PBX1: variants seen among roughly 807,000 people sequenced by gnomAD.
The protein encoded by PBX1 is pre-B-cell leukemia transcription factor 1.
In PBX1, 6 loss-of-function variants were observed where a neutral mutation model predicts 53.4. The ratio of observed to expected loss-of-function variants is 0.11; its 90% CI spans 0.06 to 0.22. PBX1 has a LOEUF of 0.22. PBX1 is among the 10% of genes least tolerant of loss of function. PBX1 has a pLI of 1.00. For missense variants in PBX1, 251 were observed against 551.4 expected (o/e 0.46, Z 5.46); for synonymous variants, 204 against 212.3 (o/e 0.96, Z 0.34).
chr1:164,620,676 ATTCTT>A (rs1194711493), intron 2 of PBX1, among the ~76,000 whole-genome samples: 9 of 150,594 alleles, frequency 6.0e-5, no homozygotes, highest in African/African-American at 1.7e-4. Flanking sequence ...TTTCCCCTAT[ATTCTT>A]TTCTTTTCTT....
At chr1:164,815,020 G>C (rs1669813802) in intron 6 of PBX1, 1 of 152,042 alleles carries the variant, frequency 6.6e-6, no homozygotes, top group Non-Finnish European at 1.5e-5. Context: ...GAAGCAAAGA[G>C]GAAGAATAGA....
chr1:164,690,530 G>A (rs576434589), intron 2 of PBX1, among the ~76,000 whole-genome samples: 4 of 151,886 alleles, frequency 2.6e-5, no homozygotes, highest in Non-Finnish European at 5.9e-5. Flanking sequence ...AGCATGGGAG[G>A]CCGAAGCAGA....
chr1:164,821,759 T>C, intron 8 of PBX1, 133 bp downstream of exon 8: 1 of 735,360 alleles, frequency 1.4e-6, no homozygotes, highest in Non-Finnish European at 2.4e-6. Context: ...TTCTTGTTTC[T>C]GTATCGGTCA....
intron 2 of PBX1, among the ~76,000 whole-genome samples, chr1:164,739,302 A>G (rs114710171): frequency 1.4e-3 from 217 of 152,306 alleles, no homozygotes; most frequent in African/African-American, 5.0e-3. Flanking sequence ...TGAGTAAATA[A>G]TCATGCGATA....
At chr1:164,594,303 T>A (rs1214061100) in intron 2 of PBX1, among the ~76,000 whole-genome samples, 1 of 151,488 alleles carries the variant, frequency 6.6e-6, no homozygotes, top group African/African-American at 2.4e-5. Context: ...GATACTTTTC[T>A]TTTTTTTTGA....
intron 2 of PBX1, among the ~76,000 whole-genome samples, chr1:164,587,618 C>T (rs1655038094): frequency 1.3e-5 from 2 of 152,016 alleles, no homozygotes; most frequent in Admixed American, 1.3e-4. Flanking sequence ...CATAGGAATG[C>T]AAAATGAGAA....
chr1:164,689,344 T>C lies in PBX1; in HGVS notation c.266-103150T>C, dbSNP rs533925319. Among the ~76,000 whole-genome samples the C allele has an allele frequency of 7.9e-5, 12 of 152,214 alleles. No homozygotes were observed. In the South Asian group the frequency reaches 1.2e-3, roughly 16 times the overall value. ...CTTCTTTTTTCTTTTCTTTTTTTTT[T>C]CCTCCAGAATAACCTGTCCACAGCT... On this transcript the variant is annotated intron_variant, in intron 2 of 8. Transcript: ENST00000420696.
At chr1:164,571,451 G>A (rs1485897623) in intron 2 of PBX1, among the ~76,000 whole-genome samples, 1 of 151,946 alleles carries the variant, frequency 6.6e-6, no homozygotes, top group Non-Finnish European at 1.5e-5. Flanking sequence ...AATATTTGAT[G>A]TTTTTTGACT....
At chr1:164,788,008 A>C in intron 2 of PBX1, among the ~76,000 whole-genome samples, 2 of 152,054 alleles carry the variant, frequency 1.3e-5, no homozygotes, top group Middle Eastern at 6.8e-3. Context: ...CCCTATATGC[A>C]TGAGGACAAA....
At chr1:164,626,409 C>T (rs547896689) in intron 2 of PBX1, among the ~76,000 whole-genome samples, 2 of 152,124 alleles carry the variant, frequency 1.3e-5, no homozygotes, top group South Asian at 4.2e-4. Context: ...TTTGCCCGGC[C>T]TGGTCTCTGC....
chr1:164,830,658 T>C lies in PBX1; in HGVS notation c.1200+9032T>C, dbSNP rs551853222. On this transcript the variant is annotated intron_variant, in intron 8 of 8. Coordinates refer to ENST00000420696, the MANE Select transcript of PBX1 (RefSeq NM_002585.4). Reference sequence around the variant, plus strand: ...CAAGCAGGACATGTCTTTGAACTCATCTTGAACTCTTTCTTTAAGTCTAAA... The same window carrying C: ...CAAGCAGGACATGTCTTTGAACTCACCTTGAACTCTTTCTTTAAGTCTAAA... Among the ~76,000 whole-genome samples the C allele has an allele frequency of 2.0e-4, 30 of 152,316 alleles. No individual in the cohort carries two copies. In the East Asian group the frequency reaches 5.6e-3, roughly 28 times the overall value.
At chr1:164,579,233 A>G (rs999910110) in intron 2 of PBX1, among the ~76,000 whole-genome samples, 2 of 152,262 alleles carry the variant, frequency 1.3e-5, no homozygotes, top group Admixed American at 6.5e-5. Context: ...ATATGTTTAT[A>G]CCCTACATTT....
chr1:164,618,567 A>G (rs1209663661), intron 2 of PBX1, among the ~76,000 whole-genome samples: 1 of 152,232 alleles, frequency 6.6e-6, no homozygotes, highest in Non-Finnish European at 1.5e-5. Context: ...AATAATCTTT[A>G]TGCTCTATTT....
chr1:164,885,270 G>A (rs191543113), intron 2 of PBX1, among the ~76,000 whole-genome samples: 4 of 152,252 alleles, frequency 2.6e-5, no homozygotes, highest in African/African-American at 4.8e-5. Context: ...ACATCATTTA[G>A]TATGGCTGGG....
At chr1:164,642,514 G>A (rs1659205550) in intron 2 of PBX1, among the ~76,000 whole-genome samples, 1 of 152,136 alleles carries the variant, frequency 6.6e-6, no homozygotes, top group South Asian at 2.1e-4. Flanking sequence ...AACTTGTCAG[G>A]GTAGTTCCTA....
chr1:164,560,771 C>A (rs1304561543), intron 1 of PBX1, among the ~76,000 whole-genome samples: 1 of 151,972 alleles, frequency 6.6e-6, no homozygotes, highest in African/African-American at 2.4e-5. Flanking sequence ...ACTAACCTTC[C>A]GTGACACAGA....
Position 164,567,250 on chromosome 1 carries a change from A to C in PBX1, c.265+3939A>C, listed in dbSNP as rs1243263952. 2.6e-5 allele frequency among the ~76,000 whole-genome samples: 4 copies of C among 152,182 alleles called. No homozygotes were observed. In the East Asian group the frequency reaches 7.7e-4, roughly 29 times the overall value. ...TGGAAGGAAGCTAGAGATTGCGGGAAGAGAATTCTGATGGTATTAGGCCTT... is the reference window on the plus strand; with the variant it reads ...TGGAAGGAAGCTAGAGATTGCGGGACGAGAATTCTGATGGTATTAGGCCTT... On this transcript the variant is annotated intron_variant, in intron 2 of 8. Transcript: ENST00000420696.
chr1:164,737,906 G>T (rs558738825), intron 2 of PBX1, among the ~76,000 whole-genome samples: 1 of 151,956 alleles, frequency 6.6e-6, no homozygotes, highest in African/African-American at 2.4e-5. Flanking sequence ...CCCCCCAACC[G>T]GTGCCTGGCA....
At chr1:164,645,212 G>T (rs1377157531) in intron 2 of PBX1, among the ~76,000 whole-genome samples, 1 of 152,142 alleles carries the variant, frequency 6.6e-6, no homozygotes, top group Non-Finnish European at 1.5e-5. Flanking sequence ...GAAGCCTATT[G>T]TGCCCTAATA....
Sources: allele counts gnomAD v4.1 joint callset (sites outside exome capture counted in the v4.1 genomes callset), GRCh38; gene constraint gnomAD v4.1.1; transcripts MANE v1.5; gene names NCBI Gene and HGNC (gene_info 2026-07-23, HGNC 2026-07-21).